The following REDIC1 variants were observed in gnomAD, a reference collection of about 807,000 sequenced individuals.
The protein encoded by REDIC1 is HEI10 Interacting Protein 1.
chr12:39,812,996 A>ATTTTTTTTTTTTTTTTTTTT, the REDIC1 span, among the ~76,000 whole-genome samples: 14 of 40,616 alleles, frequency 3.4e-4, 6 homozygotes, highest in Admixed American at 1.1e-3. Flanking sequence ...TGCCCAGCTA[A>ATTTTTTTTTTTTTTTTTTTT]TTTTTTTTTT....
chr12:39,696,086 C>T, the REDIC1 span, among the ~76,000 whole-genome samples: 5 of 152,098 alleles, frequency 3.3e-5, no homozygotes, highest in Non-Finnish European at 7.4e-5. Flanking sequence ...GGTCTCAACA[C>T]CCAAGTCCTT....
chr12:39,884,421 T>C, the REDIC1 span, among the ~76,000 whole-genome samples: 70 of 152,356 alleles, frequency 4.6e-4, no homozygotes, highest in African/African-American at 1.6e-3. Flanking sequence ...TACCTCTGGT[T>C]GCCTAAAACA....
chr12:39,749,145 A>G, the REDIC1 span, among the ~76,000 whole-genome samples: 1 of 152,190 alleles, frequency 6.6e-6, no homozygotes, highest in East Asian at 1.9e-4. Flanking sequence ...GTTTTTTGAA[A>G]AGATCAAAAA....
chr12:39,809,361 G>T, the REDIC1 span, among the ~76,000 whole-genome samples: 2 of 152,064 alleles, frequency 1.3e-5, no homozygotes, highest in South Asian at 2.1e-4. Context: ...TCTTTTTCAG[G>T]AATGTTTTGG....
chr12:39,738,484 A>G, the REDIC1 span, among the ~76,000 whole-genome samples: 1 of 152,212 alleles, frequency 6.6e-6, no homozygotes, highest in East Asian at 1.9e-4. Flanking sequence ...TGCCTAAGTA[A>G]GTGGAGTATA....
chr12:39,711,098 G>T, the REDIC1 span, among the ~76,000 whole-genome samples: 3 of 151,306 alleles, frequency 2.0e-5, no homozygotes. Context: ...TTATGACTTT[G>T]CATCTTCATA....
the REDIC1 span, among the ~76,000 whole-genome samples, chr12:39,733,286 A>C: frequency 1.3e-5 from 2 of 152,132 alleles, no homozygotes; most frequent in Non-Finnish European, 2.9e-5. Flanking sequence ...TTTCCTTATA[A>C]GTCATTTGCT....
At chr12:39,830,833 G>A in the REDIC1 span, among the ~76,000 whole-genome samples, 1 of 152,190 alleles carries the variant, frequency 6.6e-6, no homozygotes, top group South Asian at 2.1e-4. Flanking sequence ...ATCAATTATG[G>A]ATTATTCTGA....
chr12:39,714,251 G>T, the REDIC1 span, among the ~76,000 whole-genome samples: 338 of 126,592 alleles, frequency 2.7e-3, 79 homozygotes, highest in Non-Finnish European at 3.9e-3. Context: ...ATGTATATAC[G>T]TATATGCATG....
At chr12:39,681,052 A>G in the REDIC1 span, among the ~76,000 whole-genome samples, 2 of 152,144 alleles carry the variant, frequency 1.3e-5, no homozygotes, top group Admixed American at 1.3e-4. Flanking sequence ...CAGGTGGATC[A>G]CCTGAAGTCA....
chr12:39,713,077 A>G, the REDIC1 span, among the ~76,000 whole-genome samples: 3 of 147,270 alleles, frequency 2.0e-5, no homozygotes, highest in Non-Finnish European at 3.0e-5. Flanking sequence ...ATACACGTGC[A>G]TACGTGTATG....
chr12:39,679,774 G>A, the REDIC1 span, among the ~76,000 whole-genome samples: 1 of 152,170 alleles, frequency 6.6e-6, no homozygotes, highest in African/African-American at 2.4e-5. Flanking sequence ...AAACAGCATG[G>A]CACTGGTATA....
At chr12:39,851,756 G>A in the REDIC1 span, among the ~76,000 whole-genome samples, 1 of 152,202 alleles carries the variant, frequency 6.6e-6, no homozygotes, top group South Asian at 2.1e-4. Context: ...AAGACATGCT[G>A]AGCTTTGAGT....
the REDIC1 span, among the ~76,000 whole-genome samples, chr12:39,786,229 T>A: frequency 6.6e-6 from 1 of 152,160 alleles, no homozygotes. Flanking sequence ...GGTAATTGAA[T>A]CATGGGGGCT....
At chr12:39,869,250 C>G in the REDIC1 span, among the ~76,000 whole-genome samples, 1 of 152,088 alleles carries the variant, frequency 6.6e-6, no homozygotes, top group Admixed American at 6.6e-5. Flanking sequence ...AATGTGTTAA[C>G]AAGGTTGTTG....
chr12:39,722,079 G>T, the REDIC1 span, among the ~76,000 whole-genome samples: 1 of 151,994 alleles, frequency 6.6e-6, no homozygotes, highest in Non-Finnish European at 1.5e-5. Context: ...ACAGCAGAGG[G>T]CATTCTAGTA....
the REDIC1 span, chr12:39,650,377 A>G: frequency 1.3e-6 from 2 of 1,598,910 alleles, no homozygotes; most frequent in Non-Finnish European, 1.7e-6. This position sits in a 1 kb window ranked among gnomAD's most constrained non-coding sequence, Gnocchi z 4.3. Context: ...GCTGAAGGAA[A>G]TAAAGAAGCT....
the REDIC1 span, among the ~76,000 whole-genome samples, chr12:39,633,152 T>A: frequency 3.3e-5 from 5 of 152,204 alleles, no homozygotes; most frequent in African/African-American, 9.6e-5. Context: ...AAATTCTTTT[T>A]AACTTTTTGA....
At chr12:39,819,778 A>G in the REDIC1 span, 1 of 152,544 alleles carries the variant, frequency 6.6e-6, no homozygotes, top group Non-Finnish European at 1.5e-5. Context: ...AATACATTTA[A>G]AAGGATAAAT....
Sources: gnomAD v4.1 joint callset for allele counts (sites outside exome capture counted in the v4.1 genomes callset) on GRCh38, gnomAD v4.1.1 for gene constraint, Gnocchi (gnomAD v3.1) non-coding constraint, MANE v1.5 for transcripts, NCBI Gene and HGNC (gene_info 2026-07-23, HGNC 2026-07-21) for gene names.